The following PRKD3 variants were observed in gnomAD, a reference collection of about 807,000 sequenced individuals.
PRKD3 encodes serine/threonine-protein kinase D3.
A neutral mutation model predicts 99.2 loss-of-function variants in PRKD3; 47 were observed. The ratio of observed to expected loss-of-function variants is 0.47; its 90% confidence interval spans 0.38 to 0.60. The LOEUF (loss-of-function observed/expected upper bound fraction) is 0.60. Among genes scored for constraint, PRKD3 ranks in the 20% least tolerant of loss-of-function variants. The pLI, the probability that PRKD3 is intolerant of heterozygous loss-of-function variation, is 0.00. For missense variants in PRKD3, 1,019 were observed against 1,088.4 expected, an observed-to-expected ratio of 0.94 and a Z score of 0.90; for synonymous variants, 392 against 355.4, an observed-to-expected ratio of 1.10 and a Z score of -1.16.
intron 16 of PRKD3, among the ~76,000 whole-genome samples, chr2:37,258,762 A>G (rs553231397): frequency 3.3e-5 from 5 of 152,340 alleles, no homozygotes; most frequent in Admixed American, 6.5e-5. Context: ...GATTTTTAAT[A>G]TATCTTTTTA....
intron 2 of PRKD3, among the ~76,000 whole-genome samples, chr2:37,313,276 G>A (rs1671519393): frequency 6.6e-6 from 1 of 151,836 alleles, no homozygotes; most frequent in Non-Finnish European, 1.5e-5. Flanking sequence ...TTGACAACAG[G>A]TGGTGGGCCA....
rs549795751 is a variant in PRKD3 at position 37,262,904 on chromosome 2, C to T, written c.1885-2520G>A. Among the ~76,000 whole-genome samples the T allele has an allele frequency of 7.4e-5, 11 of 149,364 alleles. No individual in the cohort carries two copies. The South Asian group carries it at 2.2e-3, about 29-fold the overall frequency. ...GTATCCTAAGATTCCTTCCCCCCCC[C>T]GTATTTGTGGTTATCTCCCTAAGAT... On this transcript the variant is annotated intron_variant, in intron 14 of 18. Transcript: ENST00000234179.
intron 1 of PRKD3, among the ~76,000 whole-genome samples, chr2:37,320,453 A>T (rs1357378574): frequency 9.4e-6 from 1 of 106,174 alleles, no homozygotes; most frequent in African/African-American, 3.8e-5. Context: ...TTTTTTTGAG[A>T]CAGAGACTTG....
chr2:37,306,389 G>A (rs926753837), intron 2 of PRKD3, among the ~76,000 whole-genome samples: 1 of 152,236 alleles, frequency 6.6e-6, no homozygotes, highest in Non-Finnish European at 1.5e-5. Flanking sequence ...CCTCTAGAAG[G>A]CAGAGATCTT....
chr2:37,264,819 CATAAAGA>C (rs1183457339), intron 14 of PRKD3, among the ~76,000 whole-genome samples: 1 of 151,996 alleles, frequency 6.6e-6, no homozygotes. Flanking sequence ...GATTCACTTT[CATAAAGA>C]ATAATCACAG....
Position 37,253,101 on chromosome 2 carries a change from T to C in PRKD3, c.*76A>G. ...ATCTTTGCAGCACTGCAGATGACAA[T>C]CTACAAAGAACAAGTTACACAGCAA... On this transcript the variant is annotated 3_prime_UTR_variant, in exon 19 of 19. Transcript: ENST00000234179. The C allele has an allele frequency of 7.1e-7, 1 of 1,409,258 alleles. No individual in the cohort carries two copies. Among genetic ancestry groups the C allele is most frequent in the Admixed American group, 2.0e-5 (1 of 48,896 alleles). The allele number at this position is 1,409,258 out of a possible 1,614,324, so 87.3% of individuals were successfully genotyped here.
At chr2:37,318,271 T>G (rs1214810127) in intron 1 of PRKD3, among the ~76,000 whole-genome samples, 1 of 152,232 alleles carries the variant, frequency 6.6e-6, no homozygotes, top group Non-Finnish European at 1.5e-5. Flanking sequence ...ATAGCTACTT[T>G]CAAGTAAATG....
intron 1 of PRKD3, among the ~76,000 whole-genome samples, chr2:37,317,496 G>A (rs1456026096): frequency 1.3e-5 from 2 of 151,668 alleles, no homozygotes; most frequent in Admixed American, 1.3e-4. Flanking sequence ...ACATGACTGA[G>A]TTATATCAAA....
chr2:37,280,054 C>CTTT (rs72038621), intron 7 of PRKD3, 125 bp from the exon 8 acceptor site: 77 of 463,972 alleles, frequency 1.7e-4, no homozygotes, highest in Non-Finnish European at 2.1e-4. Flanking sequence ...AAGTATTTCT[C>CTTT]TTTTTTTTTT....
At chr2:37,270,907 C>T (rs1669210763) in intron 12 of PRKD3, among the ~76,000 whole-genome samples, 1 of 152,194 alleles carries the variant, frequency 6.6e-6, no homozygotes, top group Non-Finnish European at 1.5e-5. Context: ...TCCCCCATGA[C>T]ATGGATGGAG....
chr2:37,263,914 A>G (rs1237187231), intron 14 of PRKD3, among the ~76,000 whole-genome samples: 4 of 152,176 alleles, frequency 2.6e-5, no homozygotes, highest in African/African-American at 9.7e-5. Flanking sequence ...TGAGAACGGG[A>G]AAATGCTGAA....
chr2:37,269,774 T>C, intron 12 of PRKD3, 87 bp from the exon 13 acceptor site: 3 of 905,240 alleles, frequency 3.3e-6, no homozygotes, highest in South Asian at 1.7e-5. Flanking sequence ...AATACTTCAA[T>C]ACATTTTTAT....
intron 3 of PRKD3, among the ~76,000 whole-genome samples, chr2:37,291,208 G>C (rs1379065197): frequency 2.0e-5 from 3 of 152,144 alleles, no homozygotes; most frequent in African/African-American, 7.2e-5. Context: ...TCCAGAAGTA[G>C]GTCATAGGTT....
At chr2:37,268,397 A>G (rs572996197) in intron 13 of PRKD3, 34 of 469,310 alleles carry the variant, frequency 7.2e-5, no homozygotes, top group Non-Finnish European at 1.4e-4. Context: ...CATAGATATT[A>G]TATATGCATG....
At position 37,324,814 on chromosome 2, in the gene PRKD3, C is replaced by T. The variant is rs1407691742; in HGVS notation, c.-789G>A. ...GCCCCTTCCTCCCTCCCTCCCCGTC[C>T]CGTCCTGGGGCCGGAGGGCGGGGGG... On this transcript the variant is annotated 5_prime_UTR_variant, in exon 1 of 19. Transcript: ENST00000234179. 4 of 150,788 alleles carry T rather than the reference C, an allele frequency of 2.7e-5. No homozygotes were observed. The highest frequency in any genetic ancestry group is 2.0e-4 in the Admixed American group (3 of 15,154). The allele number at this position is 150,788 out of a possible 1,614,324, so 9.3% of individuals were successfully genotyped here.
At chr2:37,268,276 AT>A in intron 13 of PRKD3, 1 of 469,616 alleles carries the variant, frequency 2.1e-6, no homozygotes, top group Non-Finnish European at 4.4e-6. Context: ...AAATGTGTGC[AT>A]TTTTGGTAAG....
chr2:37,324,115 G>C, intron 1 of PRKD3: 1 of 946,770 alleles, frequency 1.1e-6, no homozygotes, highest in Non-Finnish European at 1.3e-6. Flanking sequence ...GAGCAACTCG[G>C]AACAATGCTG....
At chr2:37,254,433 T>C (rs945539547) in intron 17 of PRKD3, 144 bp from the exon 18 acceptor site, 2 of 634,206 alleles carry the variant, frequency 3.2e-6, no homozygotes, top group Middle Eastern at 5.3e-4. Flanking sequence ...TTAGCTAACA[T>C]GTAAAATGAA....
intron 3 of PRKD3, among the ~76,000 whole-genome samples, chr2:37,291,666 T>C (rs941633849): frequency 3.3e-5 from 5 of 152,062 alleles, no homozygotes; most frequent in Admixed American, 1.3e-4. Flanking sequence ...TTGGGGTTGT[T>C]GTATAGAAGA....
Sources: allele counts gnomAD v4.1 joint callset (sites outside exome capture counted in the v4.1 genomes callset), GRCh38; gene constraint gnomAD v4.1.1; transcripts MANE v1.5; gene names NCBI Gene and HGNC (gene_info 2026-07-23, HGNC 2026-07-21).